TMPRSS11F: variants seen among roughly 807,000 people sequenced by gnomAD.
TMPRSS11F encodes transmembrane protease serine 11F.
TMPRSS11F carries 47 observed loss-of-function variants against 60.2 expected under a neutral mutation model. The observed-to-expected ratio is 0.78, with a 90% CI of 0.62 to 1.00. The LOEUF (loss-of-function observed/expected upper bound fraction) is 1.00. Ranked by LOEUF, TMPRSS11F falls within the 50% of genes least tolerant of loss-of-function variation. The pLI is 0.00. For missense variants in TMPRSS11F, 519 were observed against 522.9 expected (o/e 0.99, Z 0.07); for synonymous variants, 166 against 167.3 (o/e 0.99, Z 0.06).
intron 1 of TMPRSS11F, among the ~76,000 whole-genome samples, chr4:68,115,213 T>C (rs1482737589): frequency 4.7e-5 from 7 of 150,374 alleles, no homozygotes; most frequent in Non-Finnish European, 8.9e-5. Context: ...AAAAATTAGC[T>C]GGGTGTGATG....
At chr4:68,100,722 A>C (rs949457014) in intron 1 of TMPRSS11F, among the ~76,000 whole-genome samples, 1 of 152,148 alleles carries the variant, frequency 6.6e-6, no homozygotes, top group Non-Finnish European at 1.5e-5. Flanking sequence ...CCAAATGAAA[A>C]GTATCTGTTT....
rs1008063582 is a variant in TMPRSS11F at position 68,081,994 on chromosome 4, A to G, written c.283-7985T>C. ...GGCTGCCCAGATACAGCCAGAAAGG[A>G]ACTTTCCCACTGAGAGAGACCAAAA... On this transcript the variant is annotated intron_variant, in intron 3 of 9. Coordinates refer to ENST00000356291, the MANE Select transcript of TMPRSS11F (RefSeq NM_207407.2). 3.3e-5 allele frequency among the ~76,000 whole-genome samples: 5 copies of G among 152,192 alleles called. No individual in the cohort carries two copies. The South Asian group carries it at 1.0e-3, about 32-fold the overall frequency.
intron 4 of TMPRSS11F, among the ~76,000 whole-genome samples, chr4:68,073,273 A>T (rs946232328): frequency 1.3e-5 from 2 of 152,268 alleles, no homozygotes; most frequent in African/African-American, 4.8e-5. Context: ...AAATGATTAA[A>T]GAAAGCAGTT....
chr4:68,107,719 A>G (rs1233782236), intron 1 of TMPRSS11F, among the ~76,000 whole-genome samples: 2 of 152,154 alleles, frequency 1.3e-5, no homozygotes, highest in Non-Finnish European at 2.9e-5. Flanking sequence ...CGGGCAGATC[A>G]CGAGGTCAAG....
At chr4:68,100,886 C>G (rs1252496548) in intron 1 of TMPRSS11F, among the ~76,000 whole-genome samples, 1 of 152,140 alleles carries the variant, frequency 6.6e-6, no homozygotes, top group Non-Finnish European at 1.5e-5. Context: ...ATTCCTCTCA[C>G]CCATAATCGA....
chr4:68,062,734 C>A, intron 8 of TMPRSS11F: 2 of 742,174 alleles, frequency 2.7e-6, no homozygotes, highest in South Asian at 2.7e-5. Context: ...GAAATAGGGT[C>A]ACTTTGAAAA....
chr4:68,054,544 A>T (rs1577906016), intron 9 of TMPRSS11F, among the ~76,000 whole-genome samples: 1 of 152,088 alleles, frequency 6.6e-6, no homozygotes, highest in Non-Finnish European at 1.5e-5. Flanking sequence ...TTTAAATCTC[A>T]TTTGGAAAAC....
chr4:68,088,133 G>A (rs1723854281), intron 3 of TMPRSS11F, among the ~76,000 whole-genome samples: 2 of 151,904 alleles, frequency 1.3e-5, no homozygotes, highest in South Asian at 4.2e-4. Context: ...TCAGTGTGAT[G>A]TATTCAGGAA....
intron 2 of TMPRSS11F, among the ~76,000 whole-genome samples, chr4:68,098,422 T>A (rs1013176719): frequency 6.6e-6 from 1 of 152,210 alleles, no homozygotes; most frequent in African/African-American, 2.4e-5. Context: ...TAGGAAGTAA[T>A]ACTGAGCTTT....
chr4:68,073,849 G>A, intron 4 of TMPRSS11F, 93 bp downstream of exon 4: 1 of 724,894 alleles, frequency 1.4e-6, no homozygotes. Context: ...CTGTGTTGCT[G>A]TAAAGACTTG....
chr4:68,115,051 T>A (rs1237390747), intron 1 of TMPRSS11F, among the ~76,000 whole-genome samples: 83 of 136,526 alleles, frequency 6.1e-4, no homozygotes, highest in African/African-American at 2.2e-3. Flanking sequence ...AAGCTAGGGA[T>A]AGAAGAAAAG....
intron 3 of TMPRSS11F, among the ~76,000 whole-genome samples, chr4:68,076,821 C>T (rs6834171): frequency 9.2e-5 from 14 of 152,226 alleles, no homozygotes; most frequent in Non-Finnish European, 1.2e-4. Context: ...TAGATGAAGA[C>T]GAGCAAAAAC....
At chr4:68,102,273 A>C (rs1466793791) in intron 1 of TMPRSS11F, among the ~76,000 whole-genome samples, 2 of 152,182 alleles carry the variant, frequency 1.3e-5, no homozygotes, top group Non-Finnish European at 2.9e-5. Flanking sequence ...TAATGCAGCA[A>C]TGAATATGGG....
At chr4:68,110,955 C>A (rs1724399399) in intron 1 of TMPRSS11F, among the ~76,000 whole-genome samples, 1 of 152,122 alleles carries the variant, frequency 6.6e-6, no homozygotes, top group African/African-American at 2.4e-5. Context: ...ACTCTTTAAC[C>A]ATTCTTCAAA....
chr4:68,116,057 C>A (rs1319145886), intron 1 of TMPRSS11F, among the ~76,000 whole-genome samples: 3 of 151,290 alleles, frequency 2.0e-5, no homozygotes. Context: ...TTTTAAATAT[C>A]AACTCTAGAA....
intron 5 of TMPRSS11F, 124 bp downstream of exon 5, chr4:68,072,199 T>A (rs1334192716): frequency 2.2e-5 from 2 of 91,686 alleles, no homozygotes; most frequent in African/African-American, 4.2e-5. Context: ...TGCTGAGATT[T>A]TATATATATA....
At chr4:68,105,155 C>T (rs113596435) in intron 1 of TMPRSS11F, among the ~76,000 whole-genome samples, 9 of 138,796 alleles carry the variant, frequency 6.5e-5, no homozygotes, top group African/African-American at 2.4e-4. Flanking sequence ...TGGTCCTGGG[C>T]TTTTCTTTGT....
intron 7 of TMPRSS11F, among the ~76,000 whole-genome samples, chr4:68,065,724 G>A (rs1208876133): frequency 6.6e-6 from 1 of 151,276 alleles, no homozygotes; most frequent in Non-Finnish European, 1.5e-5. Context: ...TATGGTTGAA[G>A]AAAGGATTAC....
chr4:68,075,525 G>A (rs1358639489), intron 3 of TMPRSS11F, among the ~76,000 whole-genome samples: 2 of 151,778 alleles, frequency 1.3e-5, no homozygotes, highest in Non-Finnish European at 2.9e-5. Flanking sequence ...TTCATTTTAA[G>A]GTGTTTATTT....
Sources: allele counts gnomAD v4.1 joint callset (sites outside exome capture counted in the v4.1 genomes callset), GRCh38; gene constraint gnomAD v4.1.1; transcripts MANE v1.5; gene names NCBI Gene and HGNC (gene_info 2026-07-23, HGNC 2026-07-21).